Variants in FTO observed in about 807,000 individuals in gnomAD.
FTO encodes the protein FTO alpha-ketoglutarate dependent dioxygenase, also known as alpha-ketoglutarate-dependent dioxygenase FTO.
FTO carries 47 observed loss-of-function variants against 63.9 expected under a neutral mutation model. That is an observed-to-expected ratio of 0.74 (90% CI 0.58 to 0.94). The LOEUF is 0.94. FTO is among the 40% of genes least tolerant of loss of function. FTO has a pLI of 0.00. For synonymous variants in FTO, 207 were observed against 224.4 expected, an observed-to-expected ratio of 0.92 and a Z score of 0.69; for missense variants, 562 against 618.1, an observed-to-expected ratio of 0.91 and a Z score of 0.96.
chr16:53,938,477 G>C (rs1284844197), intron 8 of FTO, among the ~76,000 whole-genome samples: 1 of 152,202 alleles, frequency 6.6e-6, no homozygotes, highest in Non-Finnish European at 1.5e-5. Flanking sequence ...ATGTAGCTCT[G>C]TTCTTTTGCA....
intron 1 of FTO, among the ~76,000 whole-genome samples, chr16:53,719,005 C>T (rs1179450190): frequency 1.3e-5 from 2 of 151,958 alleles, no homozygotes; most frequent in Non-Finnish European, 1.5e-5. Flanking sequence ...GTTTGTAAAG[C>T]CTAATAAAGC....
At chr16:53,983,441 G>T (rs763022066) in intron 8 of FTO, among the ~76,000 whole-genome samples, 4 of 152,052 alleles carry the variant, frequency 2.6e-5, no homozygotes, top group Admixed American at 6.6e-5. Context: ...ATAAAGATGT[G>T]TGGCATACAT....
intron 8 of FTO, chr16:54,071,484 G>T: frequency 6.6e-6 from 1 of 152,388 alleles, no homozygotes. Flanking sequence ...TTAGGAGGGT[G>T]TCTTGGCTTC....
intron 8 of FTO, among the ~76,000 whole-genome samples, chr16:53,995,281 G>A (rs1468185481): frequency 6.6e-6 from 1 of 152,238 alleles, no homozygotes; most frequent in African/African-American, 2.4e-5. Context: ...CCAGGGAGAT[G>A]CATAGTAACT....
chr16:54,061,464 G>A (rs2085569360), intron 8 of FTO, among the ~76,000 whole-genome samples: 1 of 152,162 alleles, frequency 6.6e-6, no homozygotes, highest in Non-Finnish European at 1.5e-5. Flanking sequence ...TTCATGGGCA[G>A]GTGTTTTCTA....
chr16:53,840,571 T>C (rs1162634594), intron 3 of FTO, among the ~76,000 whole-genome samples: 1 of 152,234 alleles, frequency 6.6e-6, no homozygotes, highest in Non-Finnish European at 1.5e-5. Context: ...CTGTGTCTTA[T>C]CTACTCAACC....
At chr16:53,952,676 T>C (rs2082827419) in intron 8 of FTO, among the ~76,000 whole-genome samples, 2 of 152,188 alleles carry the variant, frequency 1.3e-5, no homozygotes, top group Admixed American at 6.5e-5. Context: ...AGTTAACCTA[T>C]GAAAATTAAC....
At chr16:54,062,145 A>AATGAG (rs1398838245) in intron 8 of FTO, among the ~76,000 whole-genome samples, 1 of 152,212 alleles carries the variant, frequency 6.6e-6, no homozygotes, top group Non-Finnish European at 1.5e-5. Flanking sequence ...ACAGAAAAGA[A>AATGAG]ATGAGATGTT....
chr16:53,807,779 G>T (rs543014807), intron 1 of FTO, among the ~76,000 whole-genome samples: 1 of 152,232 alleles, frequency 6.6e-6, no homozygotes, highest in South Asian at 2.1e-4. Context: ...ATAGGAAAAT[G>T]GAGGCTTTTC....
chr16:53,925,927 C>G (rs929789262), intron 7 of FTO, among the ~76,000 whole-genome samples: 7 of 152,070 alleles, frequency 4.6e-5, no homozygotes, highest in Non-Finnish European at 1.0e-4. Context: ...CTTGGCTTTT[C>G]TTTTCTAATT....
chr16:53,744,328 A>C (rs1207770641), intron 1 of FTO, among the ~76,000 whole-genome samples: 1 of 152,170 alleles, frequency 6.6e-6, no homozygotes, highest in Admixed American at 6.5e-5. Context: ...TCTTTTACCC[A>C]AATTTAGATT....
chr16:53,810,336 C>G, intron 2 of FTO, 119 bp downstream of exon 2: 1 of 724,116 alleles, frequency 1.4e-6, no homozygotes, highest in Non-Finnish European at 2.5e-6. Context: ...AATTAGATCA[C>G]CCATGACTTC....
At chr16:53,822,376 A>G (rs184309059) in intron 2 of FTO, among the ~76,000 whole-genome samples, 47 of 152,296 alleles carry the variant, frequency 3.1e-4, no homozygotes, top group Admixed American at 1.5e-3. Flanking sequence ...ATTTTTGATC[A>G]CATACTCTTA....
At chr16:53,895,133 A>G (rs2081246610) in intron 7 of FTO, among the ~76,000 whole-genome samples, 1 of 152,072 alleles carries the variant, frequency 6.6e-6, no homozygotes, top group Admixed American at 6.6e-5. Context: ...CCCCACAGCT[A>G]TATTGTTCTA....
chr16:53,843,756 T>G (rs569283617), intron 3 of FTO, among the ~76,000 whole-genome samples: 11 of 152,184 alleles, frequency 7.2e-5, no homozygotes, highest in Non-Finnish European at 1.5e-4. Flanking sequence ...TTCTGTGATG[T>G]TCAGTCTTAT....
At chr16:54,021,296 C>T in intron 8 of FTO, among the ~76,000 whole-genome samples, 1 of 152,102 alleles carries the variant, frequency 6.6e-6, no homozygotes, top group East Asian at 1.9e-4. Context: ...ATAATTTCCC[C>T]CTGCAGTAAT....
intron 8 of FTO, among the ~76,000 whole-genome samples, chr16:54,036,837 C>T (rs1009529986): frequency 6.6e-6 from 1 of 152,150 alleles, no homozygotes; most frequent in Non-Finnish European, 1.5e-5. Context: ...AACTGTGAGT[C>T]CTTTTTGCTA....
rs1188745184 is a variant in FTO at position 53,810,214 on chromosome 16, G to A, written c.120G>A (p.Gln40=). The A allele has an allele frequency of 1.3e-6, 2 of 1,593,500 alleles. No homozygotes were observed. Among genetic ancestry groups the A allele is most frequent in the East Asian group, 2.2e-5 (1 of 44,738 alleles). Reference sequence around the variant, plus strand: ...CCCCCAAAGATGATGAATTCTATCAGCAGGTAAGGTATTTTAATATTTTTA... The same window carrying A: ...CCCCCAAAGATGATGAATTCTATCAACAGGTAAGGTATTTTAATATTTTTA... ...YLTPKDDEFY[Q]QWQLKYPKLI... Residue 40 remains glutamine, a synonymous_variant, in exon 2 of 9, where the codon CAG becomes CAA. Coordinates refer to ENST00000471389, the MANE Select transcript of FTO (RefSeq NM_001080432.3).
chr16:53,809,634 G>T (rs533525776), intron 1 of FTO, among the ~76,000 whole-genome samples: 2 of 152,166 alleles, frequency 1.3e-5, no homozygotes, highest in Non-Finnish European at 2.9e-5. Context: ...GCTTCATACC[G>T]TGTGTAATTT....
Sources: allele counts gnomAD v4.1 joint callset (sites outside exome capture counted in the v4.1 genomes callset), GRCh38; gene constraint gnomAD v4.1.1; transcripts MANE v1.5; gene names NCBI Gene and HGNC (gene_info 2026-07-23, HGNC 2026-07-21).